Variants in NKAIN2 observed in about 807,000 individuals in gnomAD.
The protein encoded by NKAIN2 is sodium/potassium transporting ATPase interacting 2.
In NKAIN2, 14 loss-of-function variants were observed where a neutral mutation model predicts 32.6. That is an observed-to-expected ratio of 0.43 (90% CI 0.28 to 0.67). The LOEUF (loss-of-function observed/expected upper bound fraction) is 0.67. Ranked by LOEUF, NKAIN2 falls within the 30% of genes least tolerant of loss-of-function variation. NKAIN2 has a pLI of 0.17. For synonymous variants in NKAIN2, 80 were observed against 87.2 expected (o/e 0.92, Z 0.46); for missense variants, 198 against 258.3 (o/e 0.77, Z 1.60).
At chr6:124,071,232 A>C (rs1783448777) in intron 1 of NKAIN2, among the ~76,000 whole-genome samples, 1 of 152,120 alleles carries the variant, frequency 6.6e-6, no homozygotes, top group Admixed American at 6.6e-5. Flanking sequence ...TATTCAATAA[A>C]TTTTAATAAA....
chr6:124,093,937 G>A (rs544859361), intron 1 of NKAIN2, among the ~76,000 whole-genome samples: 1 of 152,192 alleles, frequency 6.6e-6, no homozygotes, highest in East Asian at 1.9e-4. Flanking sequence ...CCAAAATACA[G>A]AAATCAATGT....
intron 1 of NKAIN2, among the ~76,000 whole-genome samples, chr6:123,945,787 T>G (rs1342781494): frequency 1.3e-5 from 2 of 152,158 alleles, no homozygotes. Flanking sequence ...TGTGTCAAAT[T>G]GCAACTTTCA....
rs186298051 is a variant in NKAIN2, at chr6:124,374,360, T to C, written c.273+19013T>C. Among the ~76,000 whole-genome samples the C allele has an allele frequency of 4.4e-4, 67 of 152,178 alleles. No homozygotes were observed. The East Asian group carries it at 0.013, about 29-fold the overall frequency. On this transcript the variant is annotated intron_variant, in intron 3 of 6. Coordinates refer to ENST00000368417, the MANE Select transcript of NKAIN2 (RefSeq NM_001040214.3). ...AATGGAGTGACCCACAAGAATCTAT[T>C]TGACATTAATTTTCTAATAATGATG...
chr6:124,095,446 C>T (rs894777975), intron 1 of NKAIN2, among the ~76,000 whole-genome samples: 4 of 152,082 alleles, frequency 2.6e-5, no homozygotes, highest in Admixed American at 2.0e-4. Context: ...TTATTTTTAA[C>T]TAAATGTTAG....
At chr6:124,313,839 G>C (rs1796823432) in intron 2 of NKAIN2, among the ~76,000 whole-genome samples, 1 of 152,092 alleles carries the variant, frequency 6.6e-6, no homozygotes, top group African/African-American at 2.4e-5. Context: ...CCCTAGCTCG[G>C]TGTCTTTTAA....
At chr6:124,174,850 G>T (rs887356849) in intron 1 of NKAIN2, among the ~76,000 whole-genome samples, 1 of 152,176 alleles carries the variant, frequency 6.6e-6, no homozygotes, top group African/African-American at 2.4e-5. Flanking sequence ...CAGTCCCTTT[G>T]AAAAGGTCTT....
chr6:124,517,072 A>C (rs1035863931), intron 3 of NKAIN2, among the ~76,000 whole-genome samples: 1 of 152,152 alleles, frequency 6.6e-6, no homozygotes, highest in Non-Finnish European at 1.5e-5. Flanking sequence ...AGTTCTAGAT[A>C]TGTCTTGGGA....
intron 5 of NKAIN2, among the ~76,000 whole-genome samples, chr6:124,806,396 A>T (rs1421347061): frequency 1.3e-5 from 2 of 152,204 alleles, no homozygotes; most frequent in Non-Finnish European, 2.9e-5. Context: ...ACTAAGCTTC[A>T]TAAGTGAAGG....
chr6:123,830,558 T>C (rs547102011), intron 1 of NKAIN2, among the ~76,000 whole-genome samples: 2 of 152,212 alleles, frequency 1.3e-5, no homozygotes, highest in Non-Finnish European at 2.9e-5. Context: ...TTACATATCC[T>C]TGATATCAAA....
At chr6:124,302,511 TG>T (rs1327081533) in intron 2 of NKAIN2, among the ~76,000 whole-genome samples, 3 of 152,186 alleles carry the variant, frequency 2.0e-5, no homozygotes, top group Non-Finnish European at 4.4e-5. Context: ...AAATGGGTAA[TG>T]TTTTTTAAAT....
At chr6:124,265,285 G>A (rs535828821) in intron 1 of NKAIN2, among the ~76,000 whole-genome samples, 347 of 151,864 alleles carry the variant, frequency 2.3e-3, no homozygotes, top group African/African-American at 7.9e-3. Flanking sequence ...TTTAACAACG[G>A]AAACAAACTT....
At chr6:124,054,730 C>T (rs190434654) in intron 1 of NKAIN2, among the ~76,000 whole-genome samples, 4 of 152,064 alleles carry the variant, frequency 2.6e-5, no homozygotes, top group Admixed American at 6.6e-5. Context: ...TAGAAAAACA[C>T]ACACATACAC....
At chr6:124,588,248 C>T (rs1242975929) in intron 3 of NKAIN2, among the ~76,000 whole-genome samples, 1 of 152,142 alleles carries the variant, frequency 6.6e-6, no homozygotes, top group Non-Finnish European at 1.5e-5. Context: ...GATGTGTACA[C>T]ATCACTTTAA....
chr6:124,394,424 G>T (rs1773273850), intron 3 of NKAIN2, among the ~76,000 whole-genome samples: 1 of 151,622 alleles, frequency 6.6e-6, no homozygotes, highest in African/African-American at 2.4e-5. Flanking sequence ...CCTTGTATTA[G>T]TCAGGGTTTT....
intron 2 of NKAIN2, among the ~76,000 whole-genome samples, chr6:124,347,951 A>T (rs530494256): frequency 6.6e-6 from 1 of 151,688 alleles, no homozygotes; most frequent in East Asian, 1.9e-4. Flanking sequence ...CTGTTTTTTC[A>T]CCATCTTTGT....
intron 1 of NKAIN2, among the ~76,000 whole-genome samples, chr6:124,122,632 T>C (rs1034885843): frequency 6.6e-6 from 1 of 152,090 alleles, no homozygotes; most frequent in East Asian, 1.9e-4. Flanking sequence ...TTCCAATGGA[T>C]AATAGCAACC....
At chr6:123,892,087 G>T (rs537319178) in intron 1 of NKAIN2, among the ~76,000 whole-genome samples, 1 of 151,938 alleles carries the variant, frequency 6.6e-6, no homozygotes, top group East Asian at 1.9e-4. Flanking sequence ...TTTTCTCAGA[G>T]AAAGAAAAAA....
At chr6:124,254,004 A>T (rs1262354434) in intron 1 of NKAIN2, among the ~76,000 whole-genome samples, 3 of 151,652 alleles carry the variant, frequency 2.0e-5, no homozygotes, top group Non-Finnish European at 2.9e-5. Context: ...TTTAGTAGAG[A>T]CGGGGTTTCA....
At chr6:124,072,020 C>T (rs937641039) in intron 1 of NKAIN2, among the ~76,000 whole-genome samples, 2 of 152,104 alleles carry the variant, frequency 1.3e-5, no homozygotes, top group Non-Finnish European at 2.9e-5. Flanking sequence ...ATGACACATG[C>T]ACTCCTATGT....
Sources: allele counts gnomAD v4.1 joint callset (sites outside exome capture counted in the v4.1 genomes callset), GRCh38; gene constraint gnomAD v4.1.1; transcripts MANE v1.5; gene names NCBI Gene and HGNC (gene_info 2026-07-23, HGNC 2026-07-21).